Variants in DNM3 observed in about 807,000 individuals in gnomAD.
The protein encoded by DNM3 is dynamin-3.
Under a neutral mutation model 101.6 loss-of-function variants are expected in DNM3, and 47 were observed. The observed-to-expected ratio is 0.46, with a 90% CI of 0.37 to 0.59. The LOEUF (loss-of-function observed/expected upper bound fraction) is 0.59. Among genes scored for constraint, DNM3 ranks in the 20% least tolerant of loss-of-function variants. DNM3 has a pLI of 0.00. For synonymous variants in DNM3, 385 were observed against 387.9 expected (o/e 0.99, Z 0.09); for missense variants, 849 against 1,085.7 (o/e 0.78, Z 3.06).
At chr1:171,917,031 G>A (rs1328158890) in intron 1 of DNM3, among the ~76,000 whole-genome samples, 1 of 152,174 alleles carries the variant, frequency 6.6e-6, no homozygotes, top group Non-Finnish European at 1.5e-5. Flanking sequence ...ACCTTGGGTG[G>A]AGCTTAAGCA....
chr1:172,226,383 TTAACTA>T (rs2061122578), intron 14 of DNM3, among the ~76,000 whole-genome samples: 1 of 152,198 alleles, frequency 6.6e-6, no homozygotes, highest in African/African-American at 2.4e-5. Flanking sequence ...GAGTACATAC[TTAACTA>T]TAACTTATTT....
At chr1:172,086,575 A>T (rs899191424) in intron 12 of DNM3, among the ~76,000 whole-genome samples, 4 of 151,690 alleles carry the variant, frequency 2.6e-5, no homozygotes, top group African/African-American at 9.7e-5. Context: ...TTTTAATTTA[A>T]TTCAATCTAA....
At chr1:172,300,159 GT>G (rs773165168) in intron 15 of DNM3, among the ~76,000 whole-genome samples, 8 of 150,800 alleles carry the variant, frequency 5.3e-5, no homozygotes, top group African/African-American at 7.3e-5. Flanking sequence ...ATTTTTTCAT[GT>G]TTTTTTTTGT....
At chr1:171,908,688 A>G (rs1450756759) in intron 1 of DNM3, among the ~76,000 whole-genome samples, 2 of 152,148 alleles carry the variant, frequency 1.3e-5, no homozygotes, top group Non-Finnish European at 2.9e-5. Flanking sequence ...AACCCTACAT[A>G]GCTTATTGTA....
intron 10 of DNM3, among the ~76,000 whole-genome samples, chr1:172,049,100 G>A (rs747023294): frequency 6.6e-6 from 1 of 152,188 alleles, no homozygotes; most frequent in Non-Finnish European, 1.5e-5. Flanking sequence ...GGAAATCACT[G>A]ATAGTACATA....
At chr1:172,278,449 T>C (rs1213429052) in intron 15 of DNM3, among the ~76,000 whole-genome samples, 2 of 152,078 alleles carry the variant, frequency 1.3e-5, no homozygotes, top group Non-Finnish European at 2.9e-5. Flanking sequence ...AACCTCACAA[T>C]GTTTTAAGAA....
In DNM3 at chr1:172,411,013, G is replaced by A; in HGVS notation, c.*3172G>A. The stretch of plus-strand genomic sequence containing the variant: ...GTATGTGTATTTTATGTCCATTTGA[G>A]TAGGTAGGTAGGTTTTAAAAATACT... On this transcript the variant is annotated 3_prime_UTR_variant, in exon 21 of 21. Coordinates refer to ENST00000627582, the MANE Select transcript of DNM3 (RefSeq NM_015569.5). The A allele has an allele frequency of 3.0e-6, 3 of 985,208 alleles. No individual in the cohort carries two copies. Among genetic ancestry groups the A allele is most frequent in the Non-Finnish European group, 3.6e-6 (3 of 829,774 alleles). 61.0% of individuals were successfully genotyped at this position (985,208 alleles called of 1,614,324 possible).
At chr1:172,025,011 G>T (rs2048100615) in intron 4 of DNM3, among the ~76,000 whole-genome samples, 1 of 152,200 alleles carries the variant, frequency 6.6e-6, no homozygotes, top group African/African-American at 2.4e-5. Context: ...TAGCTCAGCG[G>T]ATCTCACACC....
intron 1 of DNM3, among the ~76,000 whole-genome samples, chr1:171,866,800 G>A (rs192556234): frequency 1.3e-5 from 2 of 151,652 alleles, no homozygotes; most frequent in Non-Finnish European, 2.9e-5. Flanking sequence ...CATGTTATCT[G>A]GGTCCTTAGG....
At chr1:172,090,361 A>G (rs1052990643) in intron 12 of DNM3, among the ~76,000 whole-genome samples, 76 of 152,314 alleles carry the variant, frequency 5.0e-4, no homozygotes, top group African/African-American at 1.8e-3. Context: ...CGAAGCCCTT[A>G]GGAGAGTGCT....
At chr1:172,290,996 A>G (rs552028424) in intron 15 of DNM3, among the ~76,000 whole-genome samples, 1 of 152,288 alleles carries the variant, frequency 6.6e-6, no homozygotes, top group African/African-American at 2.4e-5. Flanking sequence ...TGGTCAACAA[A>G]TGCTACAGTA....
At chr1:172,281,263 G>A (rs1400623861) in intron 15 of DNM3, among the ~76,000 whole-genome samples, 1 of 152,122 alleles carries the variant, frequency 6.6e-6, no homozygotes, top group East Asian at 1.9e-4. Context: ...GTAAGACACG[G>A]AAAGGAACTG....
intron 14 of DNM3, among the ~76,000 whole-genome samples, chr1:172,226,086 C>T (rs1428543172): frequency 6.6e-6 from 1 of 152,030 alleles, no homozygotes; most frequent in Non-Finnish European, 1.5e-5. Flanking sequence ...CTGTAATAAA[C>T]ATCACTATGC....
chr1:172,170,014 A>G (rs2058892726), intron 14 of DNM3, among the ~76,000 whole-genome samples: 1 of 151,784 alleles, frequency 6.6e-6, no homozygotes, highest in South Asian at 2.1e-4. Flanking sequence ...ATTTTTTTCT[A>G]AGTATGTTTA....
Position 172,409,647 on chromosome 1 carries a change from A to G in DNM3, c.*1806A>G, listed in dbSNP as rs1400294144. 4 of 985,740 alleles carry G rather than the reference A, an allele frequency of 4.1e-6. No homozygotes were observed. In the East Asian group the frequency reaches 4.5e-4, roughly 112 times the overall value. 61.1% of individuals were successfully genotyped at this position (985,740 alleles called of 1,614,324 possible). Reference sequence around the variant, plus strand: ...AACCAATGTGCAAGATACATACTGCATTTTTAAAATAGTGTCTCAGCTAAA... The same window carrying G: ...AACCAATGTGCAAGATACATACTGCGTTTTTAAAATAGTGTCTCAGCTAAA... On this transcript the variant is annotated 3_prime_UTR_variant, in exon 21 of 21. Coordinates refer to ENST00000627582, the MANE Select transcript of DNM3 (RefSeq NM_015569.5).
At chr1:172,121,247 G>T (rs1317992340) in intron 13 of DNM3, among the ~76,000 whole-genome samples, 6 of 152,162 alleles carry the variant, frequency 3.9e-5, no homozygotes, top group Non-Finnish European at 8.8e-5. Flanking sequence ...TTTTCATCAT[G>T]GTTAATGGCC....
intron 2 of DNM3, among the ~76,000 whole-genome samples, chr1:171,956,179 C>A (rs2042844754): frequency 6.6e-6 from 1 of 152,188 alleles, no homozygotes; most frequent in Non-Finnish European, 1.5e-5. Flanking sequence ...AAAGTCTTAA[C>A]TCATGTCAGC....
chr1:172,120,978 C>T (rs951430103), intron 13 of DNM3, among the ~76,000 whole-genome samples: 11 of 151,844 alleles, frequency 7.2e-5, no homozygotes, highest in Non-Finnish European at 1.3e-4. Context: ...TGTTTTTTTT[C>T]TTCCTCTGTT....
At chr1:172,335,813 G>A (rs1385158446) in intron 17 of DNM3, among the ~76,000 whole-genome samples, 3 of 151,974 alleles carry the variant, frequency 2.0e-5, no homozygotes, top group Admixed American at 6.6e-5. Context: ...AAGAGGGGAC[G>A]TGGACTGAAA....
Sources: allele counts gnomAD v4.1 joint callset (sites outside exome capture counted in the v4.1 genomes callset), GRCh38; gene constraint gnomAD v4.1.1; transcripts MANE v1.5; gene names NCBI Gene and HGNC (gene_info 2026-07-23, HGNC 2026-07-21).